Variants in ANO2 observed in about 807,000 individuals in gnomAD.
ANO2 encodes the protein anoctamin-2.
Under a neutral mutation model 124.2 loss-of-function variants are expected in ANO2, and 101 were observed. The ratio of observed to expected loss-of-function variants is 0.81; its 90% confidence interval spans 0.69 to 0.96. The LOEUF is 0.96. Ranked by LOEUF, ANO2 falls within the 40% of genes least tolerant of loss-of-function variation. The pLI, the probability that ANO2 is intolerant of heterozygous loss-of-function variation, is 0.00. For synonymous variants in ANO2, 486 were observed against 482.5 expected (o/e 1.01, Z -0.09); for missense variants, 1,293 against 1,274.5 (o/e 1.01, Z -0.22).
chr12:5,814,573 C>T lies in ANO2; in HGVS notation c.893-7205G>A, dbSNP rs115558022. On this transcript the variant is annotated intron_variant, in intron 7 of 24. Transcript: ENST00000682330. ...CTGACCCTTATCCCTACACGACATC[C>T]TATCCATTGTATTTACTTCTTGGTT... Among the ~76,000 whole-genome samples, 505 of 152,368 alleles carry T rather than the reference C, an allele frequency of 3.3e-3. 3 individuals are homozygous for T. Among genetic ancestry groups the T allele is most frequent in the African/African-American group, 0.012 (488 of 41,590 alleles).
At chr12:5,790,972 C>G (rs1952678887) in intron 10 of ANO2, among the ~76,000 whole-genome samples, 1 of 152,102 alleles carries the variant, frequency 6.6e-6, no homozygotes, top group Non-Finnish European at 1.5e-5. Flanking sequence ...ATAGTGAGGG[C>G]CCCCTGCTGT....
In ANO2 at chr12:5,578,522, C is replaced by T. The variant is rs371271194; in HGVS notation, c.2234-4G>A. 452 of 1,611,564 alleles carry T rather than the reference C, an allele frequency of 2.8e-4. No homozygotes were observed. The highest frequency in any genetic ancestry group is 3.6e-4 in the Non-Finnish European group (424 of 1,178,992). On this transcript the variant is annotated splice_region_variant and splice_polypyrimidine_tract_variant and intron_variant, in intron 20 of 24. Coordinates refer to ENST00000682330, the MANE Select transcript of ANO2 (RefSeq NM_001364791.2). ...GTGACAAAACCAAACTGGATGACTG[C>T]GAGAGAGCACAGCATGAGGGCTTCA...
At chr12:5,590,272 ACTT>A (rs1043388994) in intron 20 of ANO2, among the ~76,000 whole-genome samples, 19 of 152,216 alleles carry the variant, frequency 1.2e-4, no homozygotes, top group African/African-American at 4.3e-4. Flanking sequence ...GGCCCAAGAC[ACTT>A]CTTCTTCTTC....
chr12:5,829,152 T>C (rs1954075090), intron 6 of ANO2, among the ~76,000 whole-genome samples: 1 of 152,180 alleles, frequency 6.6e-6, no homozygotes, highest in Non-Finnish European at 1.5e-5. Flanking sequence ...GCTCCTAATA[T>C]AGTGCAGTAA....
chr12:5,566,704 C>T (rs1416379914), intron 23 of ANO2, among the ~76,000 whole-genome samples: 1 of 152,202 alleles, frequency 6.6e-6, no homozygotes, highest in Admixed American at 6.5e-5. Context: ...CGACAACATC[C>T]TCAGGCAGGC....
Position 5,587,395 on chromosome 12 carries a change from A to C in ANO2, c.2234-8877T>G, listed in dbSNP as rs571006495. 1.6e-4 allele frequency among the ~76,000 whole-genome samples: 24 copies of C among 152,316 alleles called. No individual in the cohort carries two copies. In the South Asian group the frequency reaches 4.8e-3, roughly 30 times the overall value. On this transcript the variant is annotated intron_variant, in intron 20 of 24. Coordinates refer to ENST00000682330, the MANE Select transcript of ANO2 (RefSeq NM_001364791.2). Reference sequence around the variant, plus strand: ...CTTCCGGGATTAAACTTGGGCCTACATCCTTCTGCTCAGGAGGAAAAGTCA... The same window carrying C: ...CTTCCGGGATTAAACTTGGGCCTACCTCCTTCTGCTCAGGAGGAAAAGTCA...
chr12:5,815,186 C>A (rs543889937), intron 7 of ANO2, among the ~76,000 whole-genome samples: 1 of 152,180 alleles, frequency 6.6e-6, no homozygotes, highest in Non-Finnish European at 1.5e-5. Context: ...CCCTTTTCCA[C>A]AGCAGAATCC....
Position 5,832,545 on chromosome 12 carries a change from T to G in ANO2, c.692A>C (p.Lys231Thr). The change falls in exon 5 of 25, where the codon AAG (lysine) becomes ACG (threonine). Residue 231 changes from lysine (K) to threonine (T), a missense_variant. Physicochemically the swap from Lys to Thr is moderately conservative, Grantham distance 78 (BLOSUM62 -1). Transcript: ENST00000682330. The part of the protein sequence containing the change: ...IAKKFSAALQ[K>T]LSSHLQPRVP... ...TCGGGGCTGCAGGTGCGAGCTCAGC[T>G]TCTGCAGAGCCGCGCTGAACTTCTT... is the stretch of plus-strand genomic sequence containing the variant. 1 of 1,613,980 alleles carries G rather than the reference T, an allele frequency of 6.2e-7. No homozygotes were observed. The highest frequency in any genetic ancestry group is 8.5e-7 in the Non-Finnish European group (1 of 1,179,870).
intron 10 of ANO2, among the ~76,000 whole-genome samples, chr12:5,796,072 C>G (rs563418816): frequency 4.6e-5 from 7 of 152,260 alleles, no homozygotes; most frequent in Admixed American, 6.5e-5. Flanking sequence ...GGGGTGCACT[C>G]ACTCATCGAG....
intron 7 of ANO2, among the ~76,000 whole-genome samples, chr12:5,807,799 C>T (rs868603426): frequency 6.6e-6 from 1 of 152,216 alleles, no homozygotes; most frequent in Non-Finnish European, 1.5e-5. Flanking sequence ...AGGCAGCGTT[C>T]GCTGTGACTG....
intron 14 of ANO2, among the ~76,000 whole-genome samples, chr12:5,683,907 G>A (rs1415702857): frequency 3.3e-5 from 5 of 150,726 alleles, no homozygotes; most frequent in African/African-American, 9.9e-5. Flanking sequence ...CCTCCAAGCT[G>A]TCTTGTCTCC....
Position 5,830,505 on chromosome 12 carries a change from G to C in ANO2, c.786-16C>G, listed in dbSNP as rs376782173. On this transcript the variant is annotated splice_polypyrimidine_tract_variant and intron_variant, in intron 5 of 24. Coordinates refer to ENST00000682330, the MANE Select transcript of ANO2 (RefSeq NM_001364791.2). ...GATGTTGTACCTGGAGACACCAAGA[G>C]AGCAGATGGCAAATTCATTTCATTA... is the stretch of plus-strand genomic sequence containing the variant. 14 of 1,607,846 alleles carry C rather than the reference G, an allele frequency of 8.7e-6. No homozygotes were observed. The Middle Eastern group carries it at 5.0e-4, about 57-fold the overall frequency.
intron 4 of ANO2, among the ~76,000 whole-genome samples, chr12:5,849,988 A>G (rs1405030216): frequency 6.6e-6 from 1 of 151,826 alleles, no homozygotes; most frequent in Non-Finnish European, 1.5e-5. Flanking sequence ...CCAGACCCCC[A>G]CCCCTGGGAT....
In ANO2 at chr12:5,904,864, T is replaced by G. The variant is rs141252800; in HGVS notation, c.534+16176A>C. On this transcript the variant is annotated intron_variant, in intron 3 of 24. Coordinates refer to ENST00000682330, the MANE Select transcript of ANO2 (RefSeq NM_001364791.2). This position sits in a 1 kb window ranked among gnomAD's most constrained non-coding sequence, Gnocchi z 4.1. The stretch of plus-strand genomic sequence containing the variant: ...TCCAGCTCTTTCCCAACCCACAAGC[T>G]CCCACCTAGGCTGACAGGAGGGAAG... 1.3e-4 allele frequency among the ~76,000 whole-genome samples: 20 copies of G among 151,920 alleles called. No individual in the cohort carries two copies. The East Asian group carries it at 3.9e-3, about 29-fold the overall frequency.
At chr12:5,914,062 T>C (rs193112047) in intron 3 of ANO2, among the ~76,000 whole-genome samples, 268 of 152,192 alleles carry the variant, frequency 1.8e-3, no homozygotes, top group Admixed American at 3.0e-3. Context: ...TAGCTGGGCA[T>C]GGTGTTGTGC....
chr12:5,643,237 C>T (rs971334896), intron 15 of ANO2, among the ~76,000 whole-genome samples: 1 of 152,180 alleles, frequency 6.6e-6, no homozygotes, highest in African/African-American at 2.4e-5. Flanking sequence ...CATTCTCTTG[C>T]TCATTTGATA....
rs546420363 is a variant in ANO2 at position 5,931,325 on chromosome 12, T to C, written c.23-8521A>G. On this transcript the variant is annotated intron_variant, in intron 1 of 24. Transcript: ENST00000682330. The stretch of plus-strand genomic sequence containing the variant: ...CAGCAAATGACCATTCTTTGGGAGG[T>C]TGGGGTGGGGATGATATACGTGCAG... Among the ~76,000 whole-genome samples the C allele has an allele frequency of 5.3e-5, 8 of 152,044 alleles. No individual in the cohort carries two copies. In the East Asian group the frequency reaches 7.8e-4, roughly 15 times the overall value.
At chr12:5,923,161 CAT>C (rs1387982129) in intron 1 of ANO2, among the ~76,000 whole-genome samples, 6,575 of 54,116 alleles carry the variant, frequency 0.12, 2,165 homozygotes, top group Middle Eastern at 0.24. Flanking sequence ...TACACACACG[CAT>C]ACACACACAC....
chr12:5,773,006 T>C (rs1200069680), intron 10 of ANO2, among the ~76,000 whole-genome samples: 2 of 152,224 alleles, frequency 1.3e-5, no homozygotes, highest in African/African-American at 4.8e-5. Context: ...CCCTGGCTAA[T>C]AGCAGGCATG....
Sources: gnomAD v4.1 joint callset for allele counts (sites outside exome capture counted in the v4.1 genomes callset) on GRCh38, gnomAD v4.1.1 for gene constraint, Gnocchi (gnomAD v3.1) non-coding constraint, MANE v1.5 for transcripts, NCBI Gene and HGNC (gene_info 2026-07-23, HGNC 2026-07-21) for gene names.